Variants in SNX9 observed in about 807,000 individuals in gnomAD.
SNX9 encodes the protein sorting nexin 9.
Under a neutral mutation model 89.4 loss-of-function variants are expected in SNX9, and 44 were observed. The ratio of observed to expected loss-of-function variants is 0.49; its 90% CI spans 0.39 to 0.63. The LOEUF (loss-of-function observed/expected upper bound fraction) is 0.63. SNX9 is among the 30% of genes least tolerant of loss of function. The pLI, the probability that SNX9 is intolerant of heterozygous loss-of-function variation, is 0.00. For missense variants in SNX9, 578 were observed against 736.1 expected (o/e 0.79, Z 2.49); for synonymous variants, 236 against 247.8 (o/e 0.95, Z 0.45).
chr6:157,869,224 G>A (rs990105437), intron 2 of SNX9, among the ~76,000 whole-genome samples: 2 of 152,220 alleles, frequency 1.3e-5, no homozygotes, highest in East Asian at 1.9e-4. Flanking sequence ...GGGTTCCCAC[G>A]TCATTCCACC....
At chr6:157,861,543 C>G (rs1354325384) in intron 1 of SNX9, among the ~76,000 whole-genome samples, 1 of 152,174 alleles carries the variant, frequency 6.6e-6, no homozygotes, top group Non-Finnish European at 1.5e-5. Context: ...TGGGTTGAAT[C>G]TAATAGCTTG....
intron 7 of SNX9, 143 bp downstream of exon 7, chr6:157,906,355 G>A (rs1484183930): frequency 1.6e-6 from 1 of 610,846 alleles, no homozygotes; most frequent in African/African-American, 1.9e-5. Context: ...ATATGTTAGT[G>A]TTGTAGGAGT....
At chr6:157,854,636 C>G (rs974943784) in intron 1 of SNX9, among the ~76,000 whole-genome samples, 10 of 152,158 alleles carry the variant, frequency 6.6e-5, no homozygotes, top group African/African-American at 2.4e-4. Flanking sequence ...TCCTTTTTAA[C>G]TTCATTGTGT....
intron 4 of SNX9, among the ~76,000 whole-genome samples, chr6:157,893,378 A>G (rs1782904070): frequency 6.6e-6 from 1 of 152,122 alleles, no homozygotes; most frequent in African/African-American, 2.4e-5. Context: ...TTTTTTCCTT[A>G]GAGGTATATA....
rs974636572 is a variant in SNX9 at position 157,942,920 on chromosome 6, A to T, written c.*82A>T. 7.0e-7 allele frequency: 1 copy of T among 1,428,014 alleles called. No individual in the cohort carries two copies. 88.5% of individuals were successfully genotyped at this position (1,428,014 alleles called of 1,614,324 possible). ...AATTCAAAACTTTTTTTCCCCTATTATTCAGAAAAAAAAGGAAACAAAACC... is the reference window on the plus strand; with the variant it reads ...AATTCAAAACTTTTTTTCCCCTATTTTTCAGAAAAAAAAGGAAACAAAACC... On this transcript the variant is annotated 3_prime_UTR_variant, in exon 18 of 18. Coordinates refer to ENST00000392185, the MANE Select transcript of SNX9 (RefSeq NM_016224.5).
At chr6:157,834,306 C>T (rs1271671060) in intron 1 of SNX9, among the ~76,000 whole-genome samples, 1 of 150,732 alleles carries the variant, frequency 6.6e-6, no homozygotes, top group Non-Finnish European at 1.5e-5. Context: ...TAAGCTGACA[C>T]CACAAAGTGC....
intron 4 of SNX9, among the ~76,000 whole-genome samples, chr6:157,894,106 CTTTTTTTTT>C (rs746909411): frequency 2.2e-5 from 2 of 89,530 alleles, no homozygotes; most frequent in South Asian, 3.9e-4. Context: ...CTTTTCTTTT[CTTTTTTTTT>C]TTTTTTTTTT....
intron 10 of SNX9, among the ~76,000 whole-genome samples, chr6:157,926,823 T>C (rs536965425): frequency 3.3e-5 from 5 of 151,604 alleles, no homozygotes; most frequent in Admixed American, 3.3e-4. Flanking sequence ...TGTTTCTGTT[T>C]GCTGTTTTTA....
chr6:157,909,839 G>A (rs1261449285), intron 8 of SNX9, 49 bp downstream of exon 8: 1 of 1,611,802 alleles, frequency 6.2e-7, no homozygotes, highest in Admixed American at 1.7e-5. Context: ...ATCACTGATT[G>A]CAGCTTGCTT....
intron 4 of SNX9, among the ~76,000 whole-genome samples, chr6:157,879,276 A>G (rs184393689): frequency 6.6e-6 from 1 of 152,228 alleles, no homozygotes; most frequent in Non-Finnish European, 1.5e-5. Context: ...GACTGATCAG[A>G]TGAACTATAG....
chr6:157,917,965 T>C (rs77352970), intron 9 of SNX9, among the ~76,000 whole-genome samples: 1,830 of 152,298 alleles, frequency 0.012, 41 homozygotes, highest in African/African-American at 0.042. Flanking sequence ...AGTTTTATTA[T>C]GTTCAGAGAA....
chr6:157,848,526 G>A (rs1781846317), intron 1 of SNX9, among the ~76,000 whole-genome samples: 2 of 152,254 alleles, frequency 1.3e-5, no homozygotes, highest in South Asian at 4.1e-4. Flanking sequence ...AGCTGGGGCA[G>A]TAAACCTAGA....
intron 11 of SNX9, among the ~76,000 whole-genome samples, chr6:157,928,386 T>A (rs571184897): frequency 6.6e-6 from 1 of 152,370 alleles, no homozygotes; most frequent in Non-Finnish European, 1.5e-5. Flanking sequence ...AAGAATTGTA[T>A]AGGCAGAAAG....
intron 9 of SNX9, among the ~76,000 whole-genome samples, chr6:157,919,422 T>A (rs1783538221): frequency 1.3e-5 from 2 of 152,058 alleles, no homozygotes; most frequent in African/African-American, 2.4e-5. Context: ...GTTAGTTAAC[T>A]TCTGTTGATC....
chr6:157,910,308 A>C (rs1783312529), intron 9 of SNX9, among the ~76,000 whole-genome samples: 1 of 152,242 alleles, frequency 6.6e-6, no homozygotes, highest in African/African-American at 2.4e-5. Context: ...CCTTTTCTAC[A>C]AAAGAAATGT....
At chr6:157,867,734 A>G (rs991964364) in intron 2 of SNX9, 101 bp downstream of exon 2, 7 of 937,236 alleles carry the variant, frequency 7.5e-6, no homozygotes, top group Non-Finnish European at 1.1e-5. Context: ...TCCCATGTGG[A>G]CTTATTTTTA....
rs1232419707 is a variant in SNX9 at position 157,927,207 on chromosome 6, G to A, written c.1177G>A (p.Val393Ile). ...MEPEAPDLDL[V>I]EIEQKCEAVG... ...ACCAGAGGCACCTGACTTGGACTTAGTAGAAATGTGAGAGACGCTGCCAGG... is the reference window on the plus strand; with the variant it reads ...ACCAGAGGCACCTGACTTGGACTTAATAGAAATGTGAGAGACGCTGCCAGG... Residue 393 changes from valine (V) to isoleucine (I), a missense_variant, in exon 11 of 18, where the codon GTA (valine) becomes ATA (isoleucine). Physicochemically the swap from Val to Ile is conservative, Grantham distance 29. This residue lies in a region of SNX9 where 348 missense variants were observed against 491.4 expected (regional missense o/e 0.71). Transcript: ENST00000392185. 1 of 1,610,272 alleles carries A rather than the reference G, an allele frequency of 6.2e-7. No homozygotes were observed. The highest frequency in any genetic ancestry group is 1.7e-5 in the Admixed American group (1 of 59,996).
chr6:157,837,443 A>G (rs1004462368), intron 1 of SNX9, among the ~76,000 whole-genome samples: 3 of 152,256 alleles, frequency 2.0e-5, no homozygotes, highest in South Asian at 2.1e-4. Flanking sequence ...CTAGGAGAGA[A>G]GAATCCTGTT....
chr6:157,933,753 A>G (rs1011660497), intron 13 of SNX9, among the ~76,000 whole-genome samples: 1 of 152,122 alleles, frequency 6.6e-6, no homozygotes, highest in African/African-American at 2.4e-5. Context: ...TGTCCTAGAG[A>G]TGCTGGAATT....
Sources: allele counts gnomAD v4.1 joint callset (sites outside exome capture counted in the v4.1 genomes callset), GRCh38; gene constraint gnomAD v4.1.1; regional missense constraint gnomAD v4.1.1; transcripts MANE v1.5; gene names NCBI Gene and HGNC (gene_info 2026-07-23, HGNC 2026-07-21).